LGR6: variants seen among roughly 807,000 people sequenced by gnomAD.
LGR6 encodes leucine rich repeat containing G protein-coupled receptor 6, also known as leucine-rich repeat-containing G protein-coupled receptor 6.
Under a neutral mutation model 69.4 loss-of-function variants are expected in LGR6, and 45 were observed. That is an observed-to-expected ratio of 0.65 (90% CI 0.51 to 0.83). LGR6 has a LOEUF of 0.83. Among genes scored for constraint, LGR6 ranks in the 40% least tolerant of loss-of-function variants. The pLI is 0.00. For synonymous variants in LGR6, 538 were observed against 555.0 expected, an observed-to-expected ratio of 0.97 and a Z score of 0.43; for missense variants, 1,108 against 1,246.7, an observed-to-expected ratio of 0.89 and a Z score of 1.68.
chr1:202,280,074 C>G (rs1195535469), intron 5 of LGR6, among the ~76,000 whole-genome samples: 5 of 152,202 alleles, frequency 3.3e-5, no homozygotes, highest in Non-Finnish European at 7.3e-5. Context: ...TTCTGGCTTT[C>G]TGTTTCCCTG....
At chr1:202,214,232 GC>G in intron 1 of LGR6, 1 of 1,542,260 alleles carries the variant, frequency 6.5e-7, no homozygotes, top group Admixed American at 2.1e-5. Context: ...GGCGCGGTGC[GC>G]CCAGGTAGGC....
chr1:202,276,814 T>C (rs975153433), intron 5 of LGR6, among the ~76,000 whole-genome samples: 1 of 152,234 alleles, frequency 6.6e-6, no homozygotes, highest in African/African-American at 2.4e-5. Flanking sequence ...CATGCACATA[T>C]AATAACTATA....
intron 7 of LGR6, among the ~76,000 whole-genome samples, chr1:202,298,927 A>G (rs1006503655): frequency 2.0e-5 from 3 of 151,882 alleles, no homozygotes; most frequent in African/African-American, 7.3e-5. Flanking sequence ...TGTGAATGCC[A>G]GATGTAGGCA....
intron 1 of LGR6, among the ~76,000 whole-genome samples, chr1:202,205,931 C>G (rs1659206463): frequency 6.6e-6 from 1 of 150,868 alleles, no homozygotes; most frequent in African/African-American, 2.4e-5. Context: ...CAAACATACA[C>G]ACACATCCTT....
rs1456590349 is a variant in LGR6, at chr1:202,318,177, C to T, written c.1874C>T (p.Thr625Ile). The T allele has an allele frequency of 3.1e-6, 5 of 1,613,608 alleles. No individual in the cohort carries two copies. Among genetic ancestry groups the T allele is most frequent in the Non-Finnish European group, 4.2e-6 (5 of 1,180,014 alleles). ...CTTCTAGCCTCAGTCGATGCCCTGACCTTTGGTCAGTTCTCTGAGTACGGA... is the reference window on the plus strand; with the variant it reads ...CTTCTAGCCTCAGTCGATGCCCTGATCTTTGGTCAGTTCTCTGAGTACGGA... Reference protein sequence around the residue: ...CGLLASVDALTFGQFSEYGAR... With the variant: ...CGLLASVDALIFGQFSEYGAR... The change falls in exon 18 of 18, where the codon ACC (threonine) becomes ATC (isoleucine). Residue 625 changes from threonine (T) to isoleucine (I), a missense_variant. Transcript: ENST00000367278.
chr1:202,204,004 A>G (rs1658929482), intron 1 of LGR6: 1 of 696,470 alleles, frequency 1.4e-6, no homozygotes, highest in Non-Finnish European at 2.6e-6. Context: ...GTGTGTCCCC[A>G]TCTGTCTGTA....
rs112522097 is a variant in LGR6 at position 202,294,824 on chromosome 1, T to A, written c.717-2684T>A. On this transcript the variant is annotated intron_variant, in intron 6 of 17. Coordinates refer to ENST00000367278, the MANE Select transcript of LGR6 (RefSeq NM_001017403.2). Reference sequence around the variant, plus strand: ...ATCACTTTTAATCTACCACACTGGATAAGGGAATAGCAAATGAGAGGATAT... The same window carrying A: ...ATCACTTTTAATCTACCACACTGGAAAAGGGAATAGCAAATGAGAGGATAT... 5.5e-3 allele frequency among the ~76,000 whole-genome samples: 844 copies of A among 152,194 alleles called. 8 individuals are homozygous for A. The highest frequency in any genetic ancestry group is 0.019 in the African/African-American group (804 of 41,512).
At chr1:202,284,979 G>A (rs1558062457) in intron 6 of LGR6, among the ~76,000 whole-genome samples, 2 of 152,188 alleles carry the variant, frequency 1.3e-5, no homozygotes, top group Non-Finnish European at 2.9e-5. Flanking sequence ...GAGAGCCTGG[G>A]GCCATAGTGA....
intron 1 of LGR6, among the ~76,000 whole-genome samples, chr1:202,199,261 A>G (rs1401511214): frequency 1.3e-5 from 2 of 151,906 alleles, no homozygotes; most frequent in Admixed American, 1.3e-4. Flanking sequence ...TGGGGAAGAG[A>G]AGGGTGAAGG....
intron 10 of LGR6, among the ~76,000 whole-genome samples, chr1:202,303,707 G>A (rs147359412): frequency 4.6e-4 from 70 of 152,286 alleles, no homozygotes; most frequent in African/African-American, 1.6e-3. Context: ...CAACAAAGAC[G>A]TTCTTGTATT....
intron 4 of LGR6, among the ~76,000 whole-genome samples, chr1:202,237,942 G>A (rs1358365550): frequency 6.7e-6 from 1 of 149,284 alleles, no homozygotes; most frequent in Non-Finnish European, 1.5e-5. Flanking sequence ...CTCACAGGGT[G>A]TTGGGAAGAT....
intron 9 of LGR6, among the ~76,000 whole-genome samples, chr1:202,302,076 A>G (rs764702897): frequency 6.6e-6 from 1 of 152,056 alleles, no homozygotes; most frequent in Non-Finnish European, 1.5e-5. Flanking sequence ...AGTCCCAGCT[A>G]AGCTACTTGG....
At chr1:202,317,868 T>C in intron 17 of LGR6, 84 bp from the exon 18 acceptor site, 1 of 1,338,146 alleles carries the variant, frequency 7.5e-7, no homozygotes, top group Non-Finnish European at 1.0e-6. Context: ...TTGGAAATTC[T>C]CTGAATACAG....
At chr1:202,304,064 G>A (rs940206825) in intron 10 of LGR6, among the ~76,000 whole-genome samples, 4 of 151,984 alleles carry the variant, frequency 2.6e-5, no homozygotes, top group Non-Finnish European at 5.9e-5. Context: ...CTCCAGCCCA[G>A]CTCCTGGTTC....
At position 202,318,012 on chromosome 1, in the gene LGR6, C is replaced by G; in HGVS notation, c.1709C>G (p.Ala570Gly). 6.2e-7 allele frequency: 1 copy of G among 1,613,884 alleles called. No homozygotes were observed. Among genetic ancestry groups the G allele is most frequent in the Non-Finnish European group, 8.5e-7 (1 of 1,179,968 alleles). The change falls in exon 18 of 18, where the codon GCC becomes GGC. Residue 570 changes from alanine (A) to glycine (G), a missense_variant. By Grantham distance (60) the Ala-to-Gly change is moderately conservative. Transcript: ENST00000367278. ...ESWGIRLAVW[A>G]IVLLSVLCNG... The stretch of plus-strand genomic sequence containing the variant: ...TGGGGCATCCGCCTGGCCGTGTGGG[C>G]CATCGTGTTGCTCTCCGTGCTCTGC...
At chr1:202,211,084 G>A (rs376208106) in intron 1 of LGR6, among the ~76,000 whole-genome samples, 8 of 152,172 alleles carry the variant, frequency 5.3e-5, no homozygotes, top group Admixed American at 4.6e-4. Context: ...AAGATCCAGG[G>A]AACTGGGGCC....
chr1:202,313,241 A>T (rs997812942), intron 16 of LGR6, among the ~76,000 whole-genome samples: 1 of 151,916 alleles, frequency 6.6e-6, no homozygotes, highest in African/African-American at 2.4e-5. Flanking sequence ...AAAAAAAAAA[A>T]GTGTAAAGCC....
At chr1:202,211,817 C>T (rs1432804218) in intron 1 of LGR6, among the ~76,000 whole-genome samples, 1 of 152,136 alleles carries the variant, frequency 6.6e-6, no homozygotes, top group Non-Finnish European at 1.5e-5. Flanking sequence ...AAGCCCTCCA[C>T]CCCCATGCCC....
At chr1:202,246,811 A>G (rs1019959726) in intron 4 of LGR6, among the ~76,000 whole-genome samples, 3 of 152,220 alleles carry the variant, frequency 2.0e-5, no homozygotes, top group African/African-American at 4.8e-5. Flanking sequence ...AGTGCTTACT[A>G]TGTTACCAGG....
Sources: allele counts gnomAD v4.1 joint callset (sites outside exome capture counted in the v4.1 genomes callset), GRCh38; gene constraint gnomAD v4.1.1; transcripts MANE v1.5; gene names NCBI Gene and HGNC (gene_info 2026-07-23, HGNC 2026-07-21).